The following MORN1 variants were observed in gnomAD, a reference collection of about 807,000 sequenced individuals.
MORN1 encodes the protein MORN repeat containing 1.
A neutral mutation model predicts 61.9 loss-of-function variants in MORN1; 67 were observed. The observed-to-expected ratio is 1.08, with a 90% CI of 0.89 to 1.33. MORN1 has a LOEUF of 1.33. Among genes scored for constraint, MORN1 ranks in the 40% most tolerant of loss-of-function variants. The pLI, the probability that MORN1 is intolerant of heterozygous loss-of-function variation, is 0.00. For missense variants in MORN1, 752 were observed against 691.2 expected (o/e 1.09, Z -0.99); for synonymous variants, 301 against 292.0 (o/e 1.03, Z -0.31).
intron 10 of MORN1, among the ~76,000 whole-genome samples, chr1:2,347,869 G>C (rs959612081): frequency 2.0e-4 from 31 of 152,240 alleles, no homozygotes; most frequent in African/African-American, 7.2e-4. Context: ...CACAGGTAGA[G>C]TACAAAGAAT....
At chr1:2,369,580 G>A (rs1329062945) in intron 8 of MORN1, among the ~76,000 whole-genome samples, 3 of 152,030 alleles carry the variant, frequency 2.0e-5, no homozygotes, top group Non-Finnish European at 4.4e-5. Flanking sequence ...TAATAAATGA[G>A]TAAAGCAAGT....
In MORN1 at chr1:2,372,482, C is replaced by T; in HGVS notation, c.744G>A (p.Lys248=). 6.2e-7 allele frequency: 1 copy of T among 1,612,320 alleles called. No homozygotes were observed. Among genetic ancestry groups the T allele is most frequent in the Admixed American group, 1.7e-5 (1 of 59,534 alleles). The part of the protein sequence containing the change: ...QLLQDHGEIA[K]SESGRVLQIS... ...TCATCTCCCCCTGGAGATGCTTACTCTTGGCAATTTCCCCGTGGTCCTGCA... is the reference window on the plus strand; with the variant it reads ...TCATCTCCCCCTGGAGATGCTTACTTTTGGCAATTTCCCCGTGGTCCTGCA... The change falls in exon 8 of 14, where the codon AAG becomes AAA. Residue 248 remains lysine (K), a splice_region_variant and synonymous_variant. Coordinates refer to ENST00000378531, the MANE Select transcript of MORN1 (RefSeq NM_024848.3). The surrounding 1 kb of genome is among the most constrained non-coding windows in gnomAD (Gnocchi z 5.4).
intron 12 of MORN1, among the ~76,000 whole-genome samples, chr1:2,327,889 A>T (rs905347327): frequency 6.6e-6 from 1 of 152,228 alleles, no homozygotes; most frequent in Non-Finnish European, 1.5e-5. Context: ...GCGTCCCCGC[A>T]TGAGCTCCTG....
chr1:2,327,391 GAAACACAGAAAC>G (rs1308354544), intron 12 of MORN1, among the ~76,000 whole-genome samples: 1 of 150,206 alleles, frequency 6.7e-6, no homozygotes, highest in Admixed American at 6.6e-5. Flanking sequence ...GAAACACACA[GAAACACAGAAAC>G]AAACACAGAG....
intron 10 of MORN1, among the ~76,000 whole-genome samples, chr1:2,353,300 G>C (rs910143797): frequency 5.3e-5 from 8 of 152,266 alleles, no homozygotes; most frequent in Non-Finnish European, 7.3e-5. Flanking sequence ...CCACCCTTTT[G>C]TTTTCTTTCA....
At position 2,337,869 on chromosome 1, in the gene MORN1, C is replaced by G. The variant is rs149822689; in HGVS notation, c.1037-1019G>C. ...GCTTTAGGGCCACAGATGAGTGTCCCCACCAGGCAGTGACACCATCAAAAA... is the reference window on the plus strand; with the variant it reads ...GCTTTAGGGCCACAGATGAGTGTCCGCACCAGGCAGTGACACCATCAAAAA... On this transcript the variant is annotated intron_variant, in intron 10 of 13. Transcript: ENST00000378531. The surrounding 1 kb of genome is among the most constrained non-coding windows in gnomAD (Gnocchi z 5.7). 2.0e-5 allele frequency among the ~76,000 whole-genome samples: 3 copies of G among 152,234 alleles called. No individual in the cohort carries two copies. The highest frequency in any genetic ancestry group is 4.4e-5 in the Non-Finnish European group (3 of 68,010).
intron 10 of MORN1, among the ~76,000 whole-genome samples, chr1:2,354,063 T>A (rs1228768296): frequency 6.6e-6 from 1 of 151,938 alleles, no homozygotes; most frequent in Non-Finnish European, 1.5e-5. Context: ...GGCGAGCAGA[T>A]CACGTGAGGT....
At chr1:2,329,106 G>A (rs2645064) in intron 12 of MORN1, among the ~76,000 whole-genome samples, 66,566 of 152,024 alleles carry the variant, frequency 0.44, 15,379 homozygotes, top group East Asian at 0.67. Flanking sequence ...CCTGAGGGGT[G>A]TTCCCTGTTT....
At chr1:2,360,971 G>A (rs114980840) in intron 8 of MORN1, among the ~76,000 whole-genome samples, 1,646 of 152,220 alleles carry the variant, frequency 0.011, 14 homozygotes, top group African/African-American at 0.016. Context: ...GGATTAAACT[G>A]TCTCCAAGTC....
At chr1:2,356,880 A>G (rs1641782563) in intron 10 of MORN1, among the ~76,000 whole-genome samples, 1 of 152,194 alleles carries the variant, frequency 6.6e-6, no homozygotes, top group Admixed American at 6.5e-5. Context: ...ATGGAAGTGC[A>G]GTTCTCACTG....
At chr1:2,331,860 GCCTCTCCCTCGTGCGCCTCTCCCGCCC>G (rs1641159141) in intron 12 of MORN1, among the ~76,000 whole-genome samples, 1 of 118,800 alleles carries the variant, frequency 8.4e-6, no homozygotes. Flanking sequence ...CCGCCCCTGC[GCCTCTCCCTCGTGCGCCTCTCCCGCCC>G]CTGCGCCTCT....
intron 10 of MORN1, among the ~76,000 whole-genome samples, chr1:2,350,050 G>T (rs1641612120): frequency 6.6e-6 from 1 of 152,204 alleles, no homozygotes; most frequent in Admixed American, 6.5e-5. Flanking sequence ...CAACTCAATG[G>T]CCCAAATTAT....
Position 2,372,645 on chromosome 1 carries a change from C to A in MORN1, c.635-54G>T. ...GGTGACTGGCATGGTCCCCCACCCACCCCATGGCTGAGTCAGCAGTGGGCA... is the reference window on the plus strand; with the variant it reads ...GGTGACTGGCATGGTCCCCCACCCAACCCATGGCTGAGTCAGCAGTGGGCA... On this transcript the variant is annotated intron_variant, in intron 7 of 13. Coordinates refer to ENST00000378531, the MANE Select transcript of MORN1 (RefSeq NM_024848.3). The surrounding 1 kb of genome is among the most constrained non-coding windows in gnomAD (Gnocchi z 5.4). The A allele has an allele frequency of 7.0e-7, 1 of 1,434,856 alleles. No homozygotes were observed. 88.9% of individuals were successfully genotyped at this position (1,434,856 alleles called of 1,614,324 possible).
At chr1:2,360,234 G>C (rs889911700) in intron 8 of MORN1, among the ~76,000 whole-genome samples, 3 of 152,224 alleles carry the variant, frequency 2.0e-5, no homozygotes, top group Non-Finnish European at 4.4e-5. Flanking sequence ...TGGCAAAGGA[G>C]ACACGATTGG....
chr1:2,323,820 C>A (rs955065292), intron 13 of MORN1: 1 of 985,316 alleles, frequency 1.0e-6, no homozygotes, highest in African/African-American at 1.7e-5. Context: ...GCTCCCTGCC[C>A]CCGTGGCTTC....
At chr1:2,339,562 G>A (rs1641351430) in intron 10 of MORN1, among the ~76,000 whole-genome samples, 1 of 152,214 alleles carries the variant, frequency 6.6e-6, no homozygotes, top group African/African-American at 2.4e-5. Flanking sequence ...GCAGCAACAA[G>A]GCTGACATCA....
chr1:2,321,967 CT>C, intron 13 of MORN1: 1 of 969,568 alleles, frequency 1.0e-6, no homozygotes, highest in Non-Finnish European at 1.2e-6. Flanking sequence ...TACTTTCCTA[CT>C]TTTTTAGGAG....
chr1:2,322,695 G>T (rs1284245117), intron 13 of MORN1: 9 of 985,362 alleles, frequency 9.1e-6, no homozygotes, highest in Non-Finnish European at 1.1e-5. Flanking sequence ...CAACGCCACA[G>T]TGTTTCCAAG....
chr1:2,345,446 C>T (rs557943752), intron 10 of MORN1, among the ~76,000 whole-genome samples: 16 of 152,336 alleles, frequency 1.1e-4, no homozygotes, highest in East Asian at 9.7e-4. Context: ...TGGAGAGCCT[C>T]GGGCTCACCC....
Sources: allele counts gnomAD v4.1 joint callset (sites outside exome capture counted in the v4.1 genomes callset), GRCh38; gene constraint gnomAD v4.1.1; non-coding constraint Gnocchi (gnomAD v3.1); transcripts MANE v1.5; gene names NCBI Gene and HGNC (gene_info 2026-07-23, HGNC 2026-07-21).